ARFGEF3: variants seen among roughly 807,000 people sequenced by gnomAD.
ARFGEF3 encodes ARFGEF family member 3.
In ARFGEF3, 96 loss-of-function variants were observed where a neutral mutation model predicts 221.7. That is an observed-to-expected ratio of 0.43 (90% confidence interval 0.37 to 0.51). The LOEUF (loss-of-function observed/expected upper bound fraction) is 0.51. Ranked by LOEUF, ARFGEF3 falls within the 20% of genes least tolerant of loss-of-function variation. The pLI, the probability that ARFGEF3 is intolerant of heterozygous loss-of-function variation, is 0.00. For missense variants in ARFGEF3, 2,410 were observed against 2,789.9 expected, an observed-to-expected ratio of 0.86 and a Z score of 3.07; for synonymous variants, 1,145 against 1,126.8, an observed-to-expected ratio of 1.02 and a Z score of -0.32.
chr6:138,202,388 A>G (rs1777553181), intron 2 of ARFGEF3, among the ~76,000 whole-genome samples: 4 of 152,184 alleles, frequency 2.6e-5, no homozygotes, highest in African/African-American at 9.6e-5. Context: ...AAATGAAGGT[A>G]GGAGGGTTTT....
chr6:138,236,602 G>T (rs1013929769), intron 5 of ARFGEF3, among the ~76,000 whole-genome samples: 2 of 152,142 alleles, frequency 1.3e-5, no homozygotes, highest in African/African-American at 2.4e-5. Context: ...CTGGAGCTGG[G>T]ACTATAGGCG....
chr6:138,246,341 TTCATTGG>T (rs1336520296), intron 8 of ARFGEF3, among the ~76,000 whole-genome samples: 6 of 152,226 alleles, frequency 3.9e-5, no homozygotes, highest in African/African-American at 1.4e-4. Flanking sequence ...TAAACTATCA[TTCATTGG>T]TAACTAGGAC....
At chr6:138,329,483 G>C (rs185820145) in intron 32 of ARFGEF3, among the ~76,000 whole-genome samples, 106 of 152,152 alleles carry the variant, frequency 7.0e-4, no homozygotes, top group African/African-American at 2.4e-3. Flanking sequence ...GGCCAACATG[G>C]TGAAACCCCG....
In ARFGEF3 at chr6:138,292,036, C is replaced by G; in HGVS notation, c.3351C>G (p.Leu1117=). The part of the protein sequence containing the change: ...GSSAAKVVLT[L]STQADRLFED... ...GCGCGGCCAAGGTGGTGCTCACCCT[C>G]TCCACGCAAGCCGACAGGTGCGCGG... The change falls in exon 19 of 34, where the codon CTC becomes CTG. Residue 1117 remains leucine, a synonymous_variant. Transcript: ENST00000251691. 1 of 1,461,928 alleles carries G rather than the reference C, an allele frequency of 6.8e-7. No individual in the cohort carries two copies. The highest frequency in any genetic ancestry group is 1.4e-5 in the South Asian group (1 of 73,560). 90.6% of individuals were successfully genotyped at this position (1,461,928 alleles called of 1,614,324 possible).
chr6:138,254,094 A>C (rs1778629757), intron 9 of ARFGEF3, 110 bp downstream of exon 9: 1 of 654,900 alleles, frequency 1.5e-6, no homozygotes, highest in African/African-American at 1.9e-5. Flanking sequence ...TAGTAGTTTC[A>C]TCTGTGCGTA....
chr6:138,255,580 A>C lies in ARFGEF3; in HGVS notation c.915A>C (p.Ser305=). Residue 305 remains serine, a synonymous_variant, in exon 10 of 34, where the codon TCA becomes TCC. Coordinates refer to ENST00000251691, the MANE Select transcript of ARFGEF3 (RefSeq NM_020340.5). ...GAGTGTCTGACCACGGCCGAGGATC[A>C]GGCTGCTCCTGCACTGCGCCGGCCC... The part of the protein sequence containing the change: ...SPGVSDHGRG[S]GCSCTAPALS... 1 of 1,614,020 alleles carries C rather than the reference A, an allele frequency of 6.2e-7. No homozygotes were observed. The highest frequency in any genetic ancestry group is 1.1e-5 in the South Asian group (1 of 91,076).
At chr6:138,277,601 A>C (rs1294418878) in intron 12 of ARFGEF3, among the ~76,000 whole-genome samples, 1 of 152,216 alleles carries the variant, frequency 6.6e-6, no homozygotes, top group East Asian at 1.9e-4. Context: ...ATTGCATCTA[A>C]TTCCCATGCA....
rs1179926104 is a variant in ARFGEF3, at chr6:138,286,753, T to C, written c.2622T>C (p.Asp874=). The change falls in exon 16 of 34, where the codon GAT becomes GAC. Residue 874 remains aspartate (D), a synonymous_variant. Coordinates refer to ENST00000251691, the MANE Select transcript of ARFGEF3 (RefSeq NM_020340.5). ...TGGGCTGCTGGAAGAACTTGATCGA[T>C]ACTTTATCAACCCCACTGACTGGTC... is the stretch of plus-strand genomic sequence containing the variant. The part of the protein sequence containing the change: ...ILVGCWKNLI[D]TLSTPLTGRM... 1 of 1,614,068 alleles carries C rather than the reference T, an allele frequency of 6.2e-7. No individual in the cohort carries two copies. The highest frequency in any genetic ancestry group is 2.2e-5 in the East Asian group (1 of 44,884).
chr6:138,168,862 C>A (rs1162622486), intron 1 of ARFGEF3, among the ~76,000 whole-genome samples: 1 of 152,202 alleles, frequency 6.6e-6, no homozygotes, highest in Non-Finnish European at 1.5e-5. Flanking sequence ...TGGCGTTTAT[C>A]ATGCTTTGAA....
chr6:138,255,861 A>G (rs1376832340), intron 10 of ARFGEF3, 92 bp downstream of exon 10: 8 of 1,051,272 alleles, frequency 7.6e-6, no homozygotes, highest in Non-Finnish European at 1.1e-5. Context: ...CTTGCCAATC[A>G]CTTGCCGGAA....
intron 2 of ARFGEF3, among the ~76,000 whole-genome samples, chr6:138,198,962 A>G (rs1777483912): frequency 6.6e-6 from 1 of 152,232 alleles, no homozygotes; most frequent in Admixed American, 6.5e-5. Flanking sequence ...GGCCTAGCCT[A>G]GGCATGGCAG....
intron 12 of ARFGEF3, among the ~76,000 whole-genome samples, chr6:138,271,295 C>T (rs948987633): frequency 3.3e-5 from 5 of 152,102 alleles, no homozygotes; most frequent in South Asian, 2.1e-4. Flanking sequence ...AGTAAGACCT[C>T]GTCTCTACAA....
In ARFGEF3 at chr6:138,334,816, C is replaced by A. The variant is rs774540103; in HGVS notation, c.5970C>A (p.Pro1990=). The A allele has an allele frequency of 1.9e-6, 3 of 1,602,176 alleles. No homozygotes were observed. Among genetic ancestry groups the A allele is most frequent in the Non-Finnish European group, 2.6e-6 (3 of 1,174,696 alleles). The change falls in exon 33 of 34, where the codon CCC becomes CCA. Residue 1990 remains proline, a synonymous_variant. Coordinates refer to ENST00000251691, the MANE Select transcript of ARFGEF3 (RefSeq NM_020340.5). The surrounding 1 kb of genome is among the most constrained non-coding windows in gnomAD (Gnocchi z 5.1). ...KAGGGDLLLP[P]SPKVEKKDPS... Reference sequence around the variant, plus strand: ...GTGGTGGGGACCTGCTGCTGCCCCCCAGCCCCAAAGTGGAGAAGAAGGATC... The same window carrying A: ...GTGGTGGGGACCTGCTGCTGCCCCCAAGCCCCAAAGTGGAGAAGAAGGATC...
rs997888569 is a variant in ARFGEF3, at chr6:138,340,693, G to A, written c.*4207G>A. On this transcript the variant is annotated 3_prime_UTR_variant, in exon 34 of 34. Coordinates refer to ENST00000251691, the MANE Select transcript of ARFGEF3 (RefSeq NM_020340.5). ...TCAGAGGGGAACACAGACCCAGAGA[G>A]GTTAAGAAATTTGCCCAAGATAACA... 6.6e-6 allele frequency: 1 copy of A among 152,118 alleles called. No individual in the cohort carries two copies. The highest frequency in any genetic ancestry group is 1.5e-5 in the Non-Finnish European group (1 of 68,026). 9.4% of individuals were successfully genotyped at this position (152,118 alleles called of 1,614,324 possible). A position where few individuals can be genotyped will look rare whatever the true frequency, so the allele number is the denominator to read the frequency against.
chr6:138,269,147 T>G (rs1300035583), intron 12 of ARFGEF3, among the ~76,000 whole-genome samples: 3 of 152,200 alleles, frequency 2.0e-5, no homozygotes, highest in African/African-American at 4.8e-5. Flanking sequence ...TCCTCGGGTG[T>G]CCCGCCAACC....
intron 1 of ARFGEF3, among the ~76,000 whole-genome samples, chr6:138,164,889 G>A (rs1776694455): frequency 6.6e-6 from 1 of 152,136 alleles, no homozygotes; most frequent in South Asian, 2.1e-4. Flanking sequence ...AGACCATCAT[G>A]TGATGGGGAG....
intron 31 of ARFGEF3, 110 bp downstream of exon 31, chr6:138,324,264 C>T (rs1780090545): frequency 2.3e-6 from 3 of 1,311,206 alleles, no homozygotes; most frequent in East Asian, 2.3e-5. Context: ...CCCTGAGGGA[C>T]ATACACCTTG....
At chr6:138,330,029 G>A (rs1304662868) in intron 32 of ARFGEF3, among the ~76,000 whole-genome samples, 5 of 152,140 alleles carry the variant, frequency 3.3e-5, no homozygotes. Context: ...GCTCAGTAGG[G>A]GAGCTTTTGA....
chr6:138,283,190 A>C (rs879258599), intron 14 of ARFGEF3, among the ~76,000 whole-genome samples: 16 of 152,254 alleles, frequency 1.1e-4, no homozygotes, highest in Non-Finnish European at 1.9e-4. Context: ...CCCAGAGCTT[A>C]TAAGTCTGAG....
Sources: allele counts gnomAD v4.1 joint callset (sites outside exome capture counted in the v4.1 genomes callset), GRCh38; gene constraint gnomAD v4.1.1; non-coding constraint Gnocchi (gnomAD v3.1); transcripts MANE v1.5; gene names NCBI Gene and HGNC (gene_info 2026-07-23, HGNC 2026-07-21).